Variants in CLTCL1 observed in about 807,000 individuals in gnomAD.
CLTCL1 encodes the protein clathrin heavy chain 2.
CLTCL1 carries 159 observed loss-of-function variants against 190.0 expected under a neutral mutation model. The observed-to-expected ratio is 0.84, with a 90% confidence interval of 0.74 to 0.95. The LOEUF (loss-of-function observed/expected upper bound fraction) is 0.95, where lower values mean the gene tolerates loss of function less well. Ranked by LOEUF, CLTCL1 falls within the 40% of genes least tolerant of loss-of-function variation. CLTCL1 has a pLI of 0.00. For missense variants in CLTCL1, 1,878 were observed against 2,033.4 expected, an observed-to-expected ratio of 0.92 and a Z score of 1.47; for synonymous variants, 752 against 769.6, an observed-to-expected ratio of 0.98 and a Z score of 0.38.
In CLTCL1 at chr22:19,222,073, T is replaced by C; in HGVS notation, c.2439A>G (p.Pro813=). Residue 813 remains proline (P), a synonymous_variant, in exon 16 of 33, where the codon CCA becomes CCG. Transcript: ENST00000427926. The part of the protein sequence containing the change: ...YVQKVNPSRT[P]AVIGGLLDVD... ...CATCAAGCAGCCCTCCAATCACAGCTGGGGTCCGGCTAGGGTTGACCTAGG... is the reference window on the plus strand; with the variant it reads ...CATCAAGCAGCCCTCCAATCACAGCCGGGGTCCGGCTAGGGTTGACCTAGG... 2.5e-6 allele frequency: 4 copies of C among 1,614,022 alleles called. No individual in the cohort carries two copies. The highest frequency in any genetic ancestry group is 3.4e-6 in the Non-Finnish European group (4 of 1,179,898).
chr22:19,270,761 A>G (rs528282604), intron 2 of CLTCL1, among the ~76,000 whole-genome samples: 2 of 150,346 alleles, frequency 1.3e-5, no homozygotes, highest in African/African-American at 4.9e-5. Flanking sequence ...AGTGAATGTT[A>G]TGGTATGTAA....
At chr22:19,203,506 G>A (rs1296792190) in intron 22 of CLTCL1, among the ~76,000 whole-genome samples, 6 of 152,116 alleles carry the variant, frequency 3.9e-5, no homozygotes, top group Non-Finnish European at 8.8e-5. Context: ...CTCTCTGCCA[G>A]GGTCACTGCT....
intron 29 of CLTCL1, among the ~76,000 whole-genome samples, chr22:19,185,551 C>T (rs1480997761): frequency 6.6e-6 from 1 of 152,172 alleles, no homozygotes; most frequent in East Asian, 1.9e-4. Flanking sequence ...TGGTCTCGAT[C>T]TCCTGATCCT....
chr22:19,280,112 T>G (rs1408351927), intron 1 of CLTCL1, among the ~76,000 whole-genome samples: 1 of 152,180 alleles, frequency 6.6e-6, no homozygotes, highest in Admixed American at 6.5e-5. Flanking sequence ...TCTTAACAGA[T>G]TTGAAAGGAC....
intron 1 of CLTCL1, among the ~76,000 whole-genome samples, chr22:19,280,175 T>TA (rs1222959714): frequency 6.6e-6 from 1 of 151,936 alleles, no homozygotes; most frequent in Admixed American, 6.6e-5. Flanking sequence ...GTGTTAAGTA[T>TA]AAAAAAAAGA....
At chr22:19,210,040 G>A (rs533693021) in intron 20 of CLTCL1, among the ~76,000 whole-genome samples, 4 of 152,272 alleles carry the variant, frequency 2.6e-5, no homozygotes, top group African/African-American at 9.6e-5. Context: ...TGTCACCTGG[G>A]CTGACCGATG....
chr22:19,256,165 T>C (rs1429457674), intron 2 of CLTCL1, among the ~76,000 whole-genome samples: 1 of 151,820 alleles, frequency 6.6e-6, no homozygotes, highest in Non-Finnish European at 1.5e-5. Context: ...TTTCTTTCTT[T>C]CTTTTTAATA....
At chr22:19,249,363 A>T (rs1168046705) in intron 3 of CLTCL1, among the ~76,000 whole-genome samples, 1 of 150,104 alleles carries the variant, frequency 6.7e-6, no homozygotes, top group East Asian at 2.0e-4. Context: ...TGTCTCAAAA[A>T]ATAAAAAAAA....
chr22:19,249,861 A>T, intron 3 of CLTCL1: 2 of 313,182 alleles, frequency 6.4e-6, no homozygotes, highest in South Asian at 2.7e-5. Context: ...TTTGAAACTT[A>T]AAAAAAAAAT....
chr22:19,256,477 C>T (rs1461421313), intron 2 of CLTCL1, among the ~76,000 whole-genome samples: 1 of 151,428 alleles, frequency 6.6e-6, no homozygotes, highest in Non-Finnish European at 1.5e-5. Context: ...CTGCCTCAGC[C>T]CCCCGAGTAT....
At position 19,276,709 on chromosome 22, in the gene CLTCL1, G is replaced by A. The variant is rs979841833; in HGVS notation, c.43-879C>T. On this transcript the variant is annotated intron_variant, in intron 1 of 32. Transcript: ENST00000427926. ...TTTTGAGCCGGAGTCTCGCTCTGTTGCCCAGGCTGGAGTGCAGTGGTGCGA... is the reference window on the plus strand; with the variant it reads ...TTTTGAGCCGGAGTCTCGCTCTGTTACCCAGGCTGGAGTGCAGTGGTGCGA... Among the ~76,000 whole-genome samples the A allele has an allele frequency of 5.3e-5, 8 of 152,070 alleles. No homozygotes were observed. In the East Asian group the frequency reaches 5.8e-4, roughly 11 times the overall value.
intron 17 of CLTCL1, among the ~76,000 whole-genome samples, chr22:19,220,959 G>A (rs531715435): frequency 8.5e-5 from 13 of 152,254 alleles, no homozygotes; most frequent in African/African-American, 3.1e-4. Context: ...CCCAAAAAGG[G>A]GGCATGAAGT....
chr22:19,189,149 C>T (rs542569178), intron 27 of CLTCL1, among the ~76,000 whole-genome samples: 5 of 152,288 alleles, frequency 3.3e-5, no homozygotes, highest in African/African-American at 7.2e-5. Context: ...ATGATCCACA[C>T]GCCTTGGCCT....
chr22:19,279,121 A>AGTATTTAT lies in CLTCL1; in HGVS notation c.43-3299_43-3292dup, dbSNP rs564014376. On this transcript the variant is annotated intron_variant, in intron 1 of 32. Transcript: ENST00000427926. ...ATAATATAAATGCCCTAGAAGTTAC[A>AGTATTTAT]GTATTTATGTATTTATGTATTTATT... 4.3e-3 allele frequency among the ~76,000 whole-genome samples: 650 copies of AGTATTTAT among 152,174 alleles called. 23 individuals are homozygous for AGTATTTAT. In the East Asian group the frequency reaches 0.088, roughly 20 times the overall value.
At chr22:19,256,354 CTTT>C (rs1239133099) in intron 2 of CLTCL1, among the ~76,000 whole-genome samples, 5 of 104,356 alleles carry the variant, frequency 4.8e-5, no homozygotes, top group East Asian at 5.2e-4. Flanking sequence ...TTTCTTTTAT[CTTT>C]TTTTTTTTTT....
intron 2 of CLTCL1, among the ~76,000 whole-genome samples, chr22:19,254,666 A>G (rs2086694900): frequency 6.6e-6 from 1 of 152,218 alleles, no homozygotes; most frequent in South Asian, 2.1e-4. Flanking sequence ...AATTTGTCTT[A>G]AATTCTAGAC....
At chr22:19,221,648 T>A (rs1555952495) in intron 16 of CLTCL1, 37 bp from the exon 17 acceptor site, 1 of 1,518,850 alleles carries the variant, frequency 6.6e-7, no homozygotes, top group African/African-American at 1.4e-5. Context: ...GTCTCAAGGC[T>A]ACCACTGGAA....
Position 19,190,033 on chromosome 22 carries a change from C to T in CLTCL1, c.4323+1271G>A, listed in dbSNP as rs5748033. On this transcript the variant is annotated intron_variant, in intron 27 of 32. Coordinates refer to ENST00000427926, the MANE Select transcript of CLTCL1 (RefSeq NM_007098.4). ...GCAATCTCGGCTCACTGCAACCTCC[C>T]GGGTTCAAGCGATTCTCCTGCCTCA... is the stretch of plus-strand genomic sequence containing the variant. Among the ~76,000 whole-genome samples, 1,448 of 152,156 alleles carry T rather than the reference C, an allele frequency of 9.5e-3. 34 individuals are homozygous for T. Among genetic ancestry groups the T allele is most frequent in the East Asian group, 0.069 (356 of 5,176 alleles).
intron 3 of CLTCL1, among the ~76,000 whole-genome samples, chr22:19,251,901 A>AAGT (rs536393267): frequency 9.3e-4 from 142 of 152,352 alleles, no homozygotes; most frequent in African/African-American, 3.2e-3. Context: ...AACATGAAGT[A>AAGT]AGATGTTAGT....
Sources: gnomAD v4.1 joint callset for allele counts (sites outside exome capture counted in the v4.1 genomes callset) on GRCh38, gnomAD v4.1.1 for gene constraint, MANE v1.5 for transcripts, NCBI Gene and HGNC (gene_info 2026-07-23, HGNC 2026-07-21) for gene names.